SLC9A9: variants seen among roughly 807,000 people sequenced by gnomAD.
The protein encoded by SLC9A9 is solute carrier family 9 member A9.
SLC9A9 carries 62 observed loss-of-function variants against 77.8 expected under a neutral mutation model. That is an observed-to-expected ratio of 0.80 (90% CI 0.65 to 0.98). The LOEUF is 0.98. SLC9A9 is among the 50% of genes least tolerant of loss of function. The pLI, the probability that SLC9A9 is intolerant of heterozygous loss-of-function variation, is 0.00. For missense variants in SLC9A9, 775 were observed against 774.9 expected (o/e 1.00, Z 0.00); for synonymous variants, 320 against 283.5 (o/e 1.13, Z -1.29).
intron 12 of SLC9A9, among the ~76,000 whole-genome samples, chr3:143,424,648 G>A (rs2034370801): frequency 6.6e-6 from 1 of 152,136 alleles, no homozygotes; most frequent in Non-Finnish European, 1.5e-5. Context: ...ACAGGCTTGA[G>A]CCACTGTGCC....
chr3:143,728,825 T>C (rs774355171), intron 4 of SLC9A9, among the ~76,000 whole-genome samples: 1 of 151,888 alleles, frequency 6.6e-6, no homozygotes, highest in African/African-American at 2.4e-5. Flanking sequence ...AAACAACAAG[T>C]ATGACCCTCA....
intron 6 of SLC9A9, among the ~76,000 whole-genome samples, chr3:143,606,921 T>C (rs564831927): frequency 5.9e-5 from 9 of 152,100 alleles, no homozygotes; most frequent in Non-Finnish European, 1.2e-4. Flanking sequence ...TGAAGAAACA[T>C]ATCAAATTCT....
chr3:143,641,577 T>A (rs2038623711), intron 6 of SLC9A9, among the ~76,000 whole-genome samples: 1 of 151,992 alleles, frequency 6.6e-6, no homozygotes, highest in East Asian at 1.9e-4. Context: ...GTATTTTTAG[T>A]AGAGACAGGG....
intron 14 of SLC9A9, among the ~76,000 whole-genome samples, chr3:143,291,805 T>A (rs963292148): frequency 6.6e-6 from 1 of 152,210 alleles, no homozygotes; most frequent in Non-Finnish European, 1.5e-5. Flanking sequence ...CAAAACTCCA[T>A]AAAGGTACAA....
At chr3:143,723,894 C>A (rs1163171105) in intron 4 of SLC9A9, among the ~76,000 whole-genome samples, 1 of 152,090 alleles carries the variant, frequency 6.6e-6, no homozygotes, top group South Asian at 2.1e-4. Flanking sequence ...CCAGGTGATT[C>A]GAATTTGAGA....
intron 10 of SLC9A9, among the ~76,000 whole-genome samples, chr3:143,494,216 C>A (rs980104396): frequency 1.3e-5 from 2 of 152,200 alleles, no homozygotes; most frequent in Non-Finnish European, 2.9e-5. Context: ...GCAAGCTTTG[C>A]ATACCTTTTT....
intron 2 of SLC9A9, among the ~76,000 whole-genome samples, chr3:143,802,248 C>T (rs1187297796): frequency 6.6e-6 from 1 of 152,188 alleles, no homozygotes; most frequent in East Asian, 1.9e-4. Context: ...ATTTCATAAC[C>T]TCTTCCATGT....
At position 143,625,024 on chromosome 3, in the gene SLC9A9, A is replaced by G. The variant is rs1576618653; in HGVS notation, c.755+27231T>C. On this transcript the variant is annotated intron_variant, in intron 6 of 15. Coordinates refer to ENST00000316549, the MANE Select transcript of SLC9A9 (RefSeq NM_173653.4). Reference sequence around the variant, plus strand: ...GAACTCCCATTCACAATTGCTTCAAAGAGAATAAAATATGTAGGAATCCAA... The same window carrying G: ...GAACTCCCATTCACAATTGCTTCAAGGAGAATAAAATATGTAGGAATCCAA... Among the ~76,000 whole-genome samples, 4 of 152,356 alleles carry G rather than the reference A, an allele frequency of 2.6e-5. 1 individual carries two copies. The East Asian group carries it at 7.7e-4, about 29-fold the overall frequency.
At chr3:143,812,274 T>C (rs1186815196) in intron 2 of SLC9A9, among the ~76,000 whole-genome samples, 1 of 152,236 alleles carries the variant, frequency 6.6e-6, no homozygotes, top group Non-Finnish European at 1.5e-5. Context: ...CAGATATGCT[T>C]GCACATGTGT....
intron 4 of SLC9A9, among the ~76,000 whole-genome samples, chr3:143,792,552 G>A (rs2008255465): frequency 6.6e-6 from 1 of 152,048 alleles, no homozygotes; most frequent in African/African-American, 2.4e-5. Flanking sequence ...TAGGTTCTGT[G>A]GACCCTCCCT....
chr3:143,488,467 A>C (rs1244375252), intron 11 of SLC9A9, among the ~76,000 whole-genome samples: 1 of 152,026 alleles, frequency 6.6e-6, no homozygotes, highest in Non-Finnish European at 1.5e-5. Context: ...ACAGACTGCT[A>C]TTCCTTATGA....
chr3:143,298,325 G>A (rs553311655), intron 14 of SLC9A9, among the ~76,000 whole-genome samples: 1 of 152,290 alleles, frequency 6.6e-6, no homozygotes, highest in East Asian at 1.9e-4. Flanking sequence ...CCTCAACCAG[G>A]TGTCCATCTC....
At chr3:143,504,021 TG>T in intron 9 of SLC9A9, 3 of 467,110 alleles carry the variant, frequency 6.4e-6, no homozygotes, top group South Asian at 3.3e-5. Context: ...CCCATTTGAC[TG>T]GGGTAGGATC....
chr3:143,706,153 CCG>C (rs1429297264), intron 4 of SLC9A9, among the ~76,000 whole-genome samples: 1 of 152,208 alleles, frequency 6.6e-6, no homozygotes, highest in African/African-American at 2.4e-5. Flanking sequence ...ATCTGTCCTA[CCG>C]TAGGTGGTTT....
chr3:143,341,375 T>C (rs1177912343), intron 14 of SLC9A9, among the ~76,000 whole-genome samples: 2 of 152,166 alleles, frequency 1.3e-5, no homozygotes, highest in East Asian at 3.9e-4. Flanking sequence ...AATCATCCAT[T>C]CATAACTGTA....
At chr3:143,281,933 A>C (rs1938232887) in intron 14 of SLC9A9, among the ~76,000 whole-genome samples, 1 of 152,118 alleles carries the variant, frequency 6.6e-6, no homozygotes, top group African/African-American at 2.4e-5. Flanking sequence ...CACAAACTTT[A>C]GTTTCTGATA....
chr3:143,751,434 C>A (rs1227416085), intron 4 of SLC9A9, among the ~76,000 whole-genome samples: 2 of 152,160 alleles, frequency 1.3e-5, no homozygotes, highest in Non-Finnish European at 2.9e-5. Flanking sequence ...AGCTATCTTT[C>A]CTGGAGGGCA....
At chr3:143,400,186 A>C (rs1340902977) in intron 12 of SLC9A9, among the ~76,000 whole-genome samples, 4 of 152,194 alleles carry the variant, frequency 2.6e-5, no homozygotes, top group African/African-American at 4.8e-5. Context: ...GGGTTCAATA[A>C]TAATGTCAAG....
At chr3:143,574,340 C>T (rs762515379) in intron 7 of SLC9A9, 147 bp from the exon 8 acceptor site, 26 of 709,968 alleles carry the variant, frequency 3.7e-5, no homozygotes, top group Non-Finnish European at 5.8e-5. Context: ...CCATAATTCT[C>T]ACTGGGACCT....
Sources: allele counts gnomAD v4.1 joint callset (sites outside exome capture counted in the v4.1 genomes callset), GRCh38; gene constraint gnomAD v4.1.1; transcripts MANE v1.5; gene names NCBI Gene and HGNC (gene_info 2026-07-23, HGNC 2026-07-21).